Variants in BLTP3A observed in about 807,000 individuals in gnomAD.
The protein encoded by BLTP3A is bridge-like lipid transfer protein family member 3A.
the BLTP3A span, chr6:34,858,216 A>G: frequency 6.2e-7 from 1 of 1,614,002 alleles, no homozygotes; most frequent in Admixed American, 1.7e-5. Context: ...CCACCAATAC[A>G]CGTCATGCTC....
At chr6:34,842,098 C>T in the BLTP3A span, among the ~76,000 whole-genome samples, 1 of 152,058 alleles carries the variant, frequency 6.6e-6, no homozygotes, top group Non-Finnish European at 1.5e-5. Flanking sequence ...AATTCTACAC[C>T]CTACTATAAT....
the BLTP3A span, chr6:34,836,413 TGGG>T: frequency 6.7e-7 from 1 of 1,482,052 alleles, no homozygotes; most frequent in Non-Finnish European, 9.3e-7. Flanking sequence ...GGGCAGAGCC[TGGG>T]GATGAAGGCT....
chr6:34,848,778 G>T, the BLTP3A span, among the ~76,000 whole-genome samples: 7 of 151,902 alleles, frequency 4.6e-5, no homozygotes, highest in African/African-American at 1.5e-4. Flanking sequence ...CAGCCATTCT[G>T]TGTCTTTTGA....
the BLTP3A span, among the ~76,000 whole-genome samples, chr6:34,843,098 G>A: frequency 1.3e-5 from 2 of 152,014 alleles, no homozygotes; most frequent in East Asian, 1.9e-4. Flanking sequence ...ATCCTCCCAC[G>A]TCAGCCTCCC....
chr6:34,818,630 C>T, the BLTP3A span, among the ~76,000 whole-genome samples: 2 of 152,164 alleles, frequency 1.3e-5, no homozygotes, highest in Non-Finnish European at 2.9e-5. Flanking sequence ...AGTCACCTCT[C>T]AACTTGAGAA....
At chr6:34,835,486 C>T in the BLTP3A span, 8 of 1,610,376 alleles carry the variant, frequency 5.0e-6, no homozygotes, top group Non-Finnish European at 6.8e-6. Context: ...AACAGACACC[C>T]TTAGTGGGGC....
At chr6:34,835,616 A>T in the BLTP3A span, 2 of 866,654 alleles carry the variant, frequency 2.3e-6, no homozygotes, top group Non-Finnish European at 3.4e-6. Context: ...CTGATTTTTT[A>T]TTTATTCTGT....
chr6:34,811,697 A>G, the BLTP3A span, among the ~76,000 whole-genome samples: 1 of 134,400 alleles, frequency 7.4e-6, no homozygotes, highest in Non-Finnish European at 1.6e-5. Context: ...CATCTCTACT[A>G]AAAATACAAA....
chr6:34,862,235 G>A, the BLTP3A span, among the ~76,000 whole-genome samples: 1 of 151,834 alleles, frequency 6.6e-6, no homozygotes, highest in Non-Finnish European at 1.5e-5. Context: ...AAATTAGCTG[G>A]GTGTGGTGGC....
chr6:34,816,446 C>CA, the BLTP3A span, among the ~76,000 whole-genome samples: 1 of 151,610 alleles, frequency 6.6e-6, no homozygotes, highest in Non-Finnish European at 1.5e-5. Flanking sequence ...CCCATCTCTA[C>CA]AAAAAATAAA....
chr6:34,865,660 G>T, the BLTP3A span, among the ~76,000 whole-genome samples: 1 of 152,126 alleles, frequency 6.6e-6, no homozygotes, highest in Non-Finnish European at 1.5e-5. Flanking sequence ...GGGTGCTAGG[G>T]TTTCCTTTTC....
the BLTP3A span, chr6:34,836,325 A>T: frequency 1.2e-6 from 2 of 1,614,086 alleles, no homozygotes; most frequent in Non-Finnish European, 1.7e-6. Context: ...CACATTTGTG[A>T]TGATAGCCAG....
At chr6:34,830,778 C>T in the BLTP3A span, among the ~76,000 whole-genome samples, 1 of 152,106 alleles carries the variant, frequency 6.6e-6, no homozygotes, top group East Asian at 1.9e-4. Context: ...GTAAATATTG[C>T]TAGATAGTTA....
the BLTP3A span, chr6:34,871,674 G>A: frequency 2.4e-5 from 39 of 1,614,094 alleles, no homozygotes; most frequent in Middle Eastern, 1.6e-3. Context: ...GAGTGATGAT[G>A]GTGTGTTCCA....
the BLTP3A span, chr6:34,873,445 A>G: frequency 6.6e-6 from 1 of 152,030 alleles, no homozygotes; most frequent in African/African-American, 2.4e-5. Flanking sequence ...AAACAACTCA[A>G]CCTGTTGCCT....
At chr6:34,863,081 T>C in the BLTP3A span, among the ~76,000 whole-genome samples, 131 of 152,000 alleles carry the variant, frequency 8.6e-4, 1 homozygote, top group African/African-American at 2.6e-3. Context: ...AATCTTTGTA[T>C]TTTTTTGTAG....
the BLTP3A span, chr6:34,856,295 T>C: frequency 2.5e-6 from 4 of 1,613,980 alleles, no homozygotes; most frequent in Non-Finnish European, 3.4e-6. Flanking sequence ...CCGAGGCCAG[T>C]GGGCCCAGAA....
At chr6:34,821,422 T>TG in the BLTP3A span, 1 of 337,426 alleles carries the variant, frequency 3.0e-6, no homozygotes, top group Admixed American at 4.8e-5. Context: ...GTAGAGATGG[T>TG]GTGGTCTGAG....
At chr6:34,834,947 T>C in the BLTP3A span, 7 of 1,512,166 alleles carry the variant, frequency 4.6e-6, no homozygotes, top group South Asian at 7.7e-5. Flanking sequence ...TTGTTTGGAA[T>C]GTTATTGGCC....
Sources: allele counts gnomAD v4.1 joint callset (sites outside exome capture counted in the v4.1 genomes callset), GRCh38; gene constraint gnomAD v4.1.1; transcripts MANE v1.5; gene names NCBI Gene and HGNC (gene_info 2026-07-23, HGNC 2026-07-21).